Variants in GCNT2 observed in about 807,000 individuals in gnomAD.
GCNT2 encodes N-acetyllactosaminide beta-1,6-N-acetylglucosaminyl-transferase.
Under a neutral mutation model 34.2 loss-of-function variants are expected in GCNT2, and 34 were observed. That is an observed-to-expected ratio of 1.00 (90% confidence interval 0.76 to 1.32). GCNT2 has a LOEUF of 1.32. Ranked by LOEUF, GCNT2 falls within the 40% of genes most tolerant of loss-of-function variation. The pLI, the probability that GCNT2 is intolerant of heterozygous loss-of-function variation, is 0.00. For missense variants in GCNT2, 584 were observed against 489.4 expected, an observed-to-expected ratio of 1.19 and a Z score of -1.82; for synonymous variants, 212 against 188.0, an observed-to-expected ratio of 1.13 and a Z score of -1.04.
intron 3 of GCNT2, among the ~76,000 whole-genome samples, chr6:10,540,417 C>T (rs1202152772): frequency 6.6e-6 from 1 of 152,314 alleles, no homozygotes; most frequent in East Asian, 1.9e-4. Flanking sequence ...AAGTCACGGC[C>T]TCAGCTGCTT....
chr6:10,568,179 C>T (rs1378778596), intron 3 of GCNT2, among the ~76,000 whole-genome samples: 1 of 152,124 alleles, frequency 6.6e-6, no homozygotes, highest in Non-Finnish European at 1.5e-5. Context: ...CATTCACTTC[C>T]CTGTAGTGAG....
intron 3 of GCNT2, among the ~76,000 whole-genome samples, chr6:10,543,901 G>A (rs759167587): frequency 1.3e-5 from 2 of 152,118 alleles, no homozygotes; most frequent in Admixed American, 6.6e-5. Context: ...AAATGGAGTC[G>A]ATTAGGAGAT....
chr6:10,595,346 T>C (rs1764808802), intron 3 of GCNT2, among the ~76,000 whole-genome samples: 1 of 151,992 alleles, frequency 6.6e-6, no homozygotes, highest in Admixed American at 6.6e-5. Context: ...GGCGCGATCT[T>C]GGCTCACTGC....
intron 3 of GCNT2, among the ~76,000 whole-genome samples, chr6:10,588,890 CGT>C (rs1554134581): frequency 1.1e-4 from 16 of 140,088 alleles, no homozygotes; most frequent in Admixed American, 2.8e-4. Flanking sequence ...GTGTTTGTAG[CGT>C]GTGTGTTGTG....
intron 3 of GCNT2, among the ~76,000 whole-genome samples, chr6:10,534,163 A>G (rs1463846922): frequency 4.4e-5 from 2 of 45,598 alleles, no homozygotes; most frequent in Non-Finnish European, 1.2e-4. Flanking sequence ...TTTTTTTAAG[A>G]TGGAGTCTCG....
intron 3 of GCNT2, among the ~76,000 whole-genome samples, chr6:10,573,650 C>A (rs903411587): frequency 2.2e-4 from 34 of 152,240 alleles, no homozygotes; most frequent in African/African-American, 8.2e-4. Flanking sequence ...TAGCAAACAG[C>A]AGGGCCAGGT....
At position 10,529,156 on chromosome 6, in the gene GCNT2, A is replaced by C; in HGVS notation, c.245A>C (p.His82Pro). 6.2e-7 allele frequency: 1 copy of C among 1,614,152 alleles called. No homozygotes were observed. The highest frequency in any genetic ancestry group is 1.1e-5 in the South Asian group (1 of 91,084). ...ATCYEYMVRS[H>P]YVTETLSEEE... is the part of the protein sequence containing the mutation. ...TGCTATGAGTACATGGTTCGAAGCC[A>C]CTATGTAACAGAAACACTCTCTGAA... is the stretch of plus-strand genomic sequence containing the variant. The change falls in exon 3 of 5, where the codon CAC (histidine) becomes CCC (proline). Residue 82 changes from histidine to proline, a missense_variant. Transcript: ENST00000495262.
chr6:10,556,722 T>C (rs772210999), intron 3 of GCNT2: 5 of 1,614,168 alleles, frequency 3.1e-6, no homozygotes, highest in Non-Finnish European at 3.4e-6. Context: ...TATATAATGG[T>C]CATCCATCAT....
intron 3 of GCNT2, among the ~76,000 whole-genome samples, chr6:10,537,328 A>G (rs1298576263): frequency 6.6e-6 from 1 of 152,172 alleles, no homozygotes; most frequent in Non-Finnish European, 1.5e-5. Flanking sequence ...CAGCTAAGTT[A>G]GACTACAGAT....
At chr6:10,567,835 T>G (rs1763356171) in intron 3 of GCNT2, among the ~76,000 whole-genome samples, 1 of 152,192 alleles carries the variant, frequency 6.6e-6, no homozygotes, top group Non-Finnish European at 1.5e-5. Flanking sequence ...AGTTTTGACT[T>G]TGCCCTCGAA....
At chr6:10,601,899 C>T (rs1342931162) in intron 3 of GCNT2, among the ~76,000 whole-genome samples, 1 of 148,744 alleles carries the variant, frequency 6.7e-6, no homozygotes, top group Non-Finnish European at 1.5e-5. Context: ...TGAGATCATG[C>T]CACTGCACTC....
chr6:10,543,978 C>T (rs1310399734), intron 3 of GCNT2, among the ~76,000 whole-genome samples: 2 of 152,128 alleles, frequency 1.3e-5, no homozygotes, highest in Admixed American at 6.5e-5. Flanking sequence ...TCTGTAACTC[C>T]TAAATCCTGT....
chr6:10,540,085 AAG>A (rs1413807072), intron 3 of GCNT2, among the ~76,000 whole-genome samples: 1 of 149,220 alleles, frequency 6.7e-6, no homozygotes, highest in Non-Finnish European at 1.5e-5. Flanking sequence ...CTCAAAAAAA[AAG>A]GAAGGAAAGG....
At position 10,618,138 on chromosome 6, in the gene GCNT2, C is replaced by T. The variant is rs1009325810; in HGVS notation, c.926-3213C>T. On this transcript the variant is annotated intron_variant, in intron 3 of 4. Coordinates refer to ENST00000495262, the MANE Select transcript of GCNT2 (RefSeq NM_145649.5). ...ACACTCAAAAAGCAAGGCTTTGTGC[C>T]CACTCCTGCCACTTTCTGCGCCTCA... 4.9e-4 allele frequency among the ~76,000 whole-genome samples: 75 copies of T among 152,148 alleles called. 1 individual carries two copies. The highest frequency in any genetic ancestry group is 1.5e-4 in the Non-Finnish European group (10 of 68,024).
At chr6:10,588,785 A>ATGTGTGTG (rs60988454) in intron 3 of GCNT2, among the ~76,000 whole-genome samples, 1 of 135,162 alleles carries the variant, frequency 7.4e-6, no homozygotes, top group Admixed American at 7.3e-5. Context: ...TGTGTGTGTG[A>ATGTGTGTG]TGTGTGTGTG....
At chr6:10,581,933 T>C in intron 3 of GCNT2, 3 of 894,178 alleles carry the variant, frequency 3.4e-6, no homozygotes, top group South Asian at 5.1e-5. Context: ...ATTTCTAGAG[T>C]GTGTGTGAAT....
Position 10,626,833 on chromosome 6 carries a change from C to T in GCNT2, c.*226C>T, listed in dbSNP as rs1766280580. On this transcript the variant is annotated 3_prime_UTR_variant, in exon 5 of 5. Coordinates refer to ENST00000495262, the MANE Select transcript of GCNT2 (RefSeq NM_145649.5). ...GGCACTTTGGCCAATTTTAGTCTTG[C>T]TGTTTCTTGATGCTCACCTCTATAT... 5.4e-6 allele frequency: 3 copies of T among 556,266 alleles called. No individual in the cohort carries two copies. The highest frequency in any genetic ancestry group is 3.1e-5 in the East Asian group (1 of 32,652). 34.5% of individuals were successfully genotyped at this position (556,266 alleles called of 1,614,324 possible). A position where few individuals can be genotyped will look rare whatever the true frequency, so the allele number is the denominator to read the frequency against.
At chr6:10,565,854 T>C (rs1026952607) in intron 3 of GCNT2, among the ~76,000 whole-genome samples, 1 of 152,228 alleles carries the variant, frequency 6.6e-6, no homozygotes, top group Non-Finnish European at 1.5e-5. Flanking sequence ...TTCCGTGCTT[T>C]AATCCATCCT....
chr6:10,539,520 C>G (rs1366446268), intron 3 of GCNT2, among the ~76,000 whole-genome samples: 1 of 151,996 alleles, frequency 6.6e-6, no homozygotes, highest in Non-Finnish European at 1.5e-5. Context: ...GCAAATGCCT[C>G]ATTTCACTGA....
Sources: gnomAD v4.1 joint callset for allele counts (sites outside exome capture counted in the v4.1 genomes callset) on GRCh38, gnomAD v4.1.1 for gene constraint, MANE v1.5 for transcripts, NCBI Gene and HGNC (gene_info 2026-07-23, HGNC 2026-07-21) for gene names.